GPHN: variants seen among roughly 807,000 people sequenced by gnomAD.
GPHN encodes gephyrin.
Under a neutral mutation model 95.5 loss-of-function variants are expected in GPHN, and 17 were observed. The observed-to-expected ratio is 0.18, with a 90% CI of 0.12 to 0.27. GPHN has a LOEUF of 0.27. GPHN is among the 10% of genes least tolerant of loss of function. GPHN has a pLI of 1.00. For missense variants in GPHN, 660 were observed against 978.1 expected (o/e 0.67, Z 4.34); for synonymous variants, 320 against 322.5 (o/e 0.99, Z 0.08).
At chr14:66,648,215 GA>G (rs2153362017) in intron 1 of GPHN, among the ~76,000 whole-genome samples, 2 of 152,050 alleles carry the variant, frequency 1.3e-5, no homozygotes, top group East Asian at 3.9e-4. Flanking sequence ...ACGTATTCAG[GA>G]AAAAATTTTA....
chr14:67,137,211 T>G (rs2080137713), intron 17 of GPHN, among the ~76,000 whole-genome samples: 1 of 151,068 alleles, frequency 6.6e-6, no homozygotes, highest in Admixed American at 6.6e-5. Context: ...AGTGGCACGA[T>G]CTCTGCTCAC....
intron 3 of GPHN, among the ~76,000 whole-genome samples, chr14:66,810,413 A>T (rs2060711555): frequency 1.3e-5 from 2 of 151,748 alleles, no homozygotes; most frequent in African/African-American, 4.8e-5. Flanking sequence ...TAATTACATA[A>T]TATATATTAT....
chr14:66,512,799 G>A (rs941242103), intron 1 of GPHN, among the ~76,000 whole-genome samples: 16 of 151,620 alleles, frequency 1.1e-4, no homozygotes, highest in Non-Finnish European at 2.2e-4. Context: ...AATTGTTTAA[G>A]CATTTACTTT....
chr14:67,179,463 A>T (rs1464056030), intron 21 of GPHN, 115 bp from the exon 22 acceptor site: 1 of 716,276 alleles, frequency 1.4e-6, no homozygotes, highest in Non-Finnish European at 2.6e-6. Flanking sequence ...GCAACGACAG[A>T]ATACCAAGGT....
intron 1 of GPHN, among the ~76,000 whole-genome samples, chr14:66,564,407 A>AG (rs1209296076): frequency 1.3e-5 from 2 of 152,118 alleles, no homozygotes; most frequent in African/African-American, 4.8e-5. Flanking sequence ...TTATACAAAA[A>AG]CTCAATATAT....
intron 1 of GPHN, among the ~76,000 whole-genome samples, chr14:66,635,849 T>G (rs966930204): frequency 1.3e-5 from 2 of 151,910 alleles, no homozygotes; most frequent in African/African-American, 4.8e-5. Flanking sequence ...TAAGAAAAAG[T>G]GATTTTAGGC....
intron 3 of GPHN, among the ~76,000 whole-genome samples, chr14:66,803,823 CT>C (rs766698909): frequency 5.3e-5 from 8 of 152,120 alleles, no homozygotes; most frequent in Non-Finnish European, 1.0e-4. Context: ...TTATTTACCC[CT>C]GATGAACTTT....
intron 5 of GPHN, among the ~76,000 whole-genome samples, chr14:66,891,413 C>T (rs905280698): frequency 7.2e-5 from 11 of 151,996 alleles, no homozygotes; most frequent in African/African-American, 2.2e-4. Flanking sequence ...GTCTTTTCAA[C>T]GAATGGTGTT....
rs533493718 is a variant in GPHN at position 67,097,843 on chromosome 14, T to C, written c.1238-3013T>C. On this transcript the variant is annotated intron_variant, in intron 12 of 22. Transcript: ENST00000478722. ...GGGAAGAAATACATTAAATATATTA[T>C]ACATCAAAAGCCAATGATATACACA... 1.3e-3 allele frequency among the ~76,000 whole-genome samples: 199 copies of C among 151,768 alleles called. 1 individual carries two copies. The highest frequency in any genetic ancestry group is 1.0e-3 in the Non-Finnish European group (70 of 67,770).
intron 8 of GPHN, among the ~76,000 whole-genome samples, chr14:66,951,573 A>G (rs1156955302): frequency 6.6e-6 from 1 of 152,022 alleles, no homozygotes; most frequent in East Asian, 1.9e-4. Flanking sequence ...TAAAATTTAT[A>G]TAGATAGAAT....
At chr14:66,745,764 T>A (rs2058120391) in intron 2 of GPHN, among the ~76,000 whole-genome samples, 1 of 152,034 alleles carries the variant, frequency 6.6e-6, no homozygotes, top group Non-Finnish European at 1.5e-5. Flanking sequence ...TAATGAGTGT[T>A]CATGATGCCC....
chr14:66,904,619 G>T (rs569218413), intron 5 of GPHN, among the ~76,000 whole-genome samples: 62 of 152,200 alleles, frequency 4.1e-4, no homozygotes, highest in African/African-American at 1.2e-3. Flanking sequence ...ACCTCTCAAT[G>T]CCCCCTTTAG....
the GPHN span, among the ~76,000 whole-genome samples, chr14:67,276,112 T>C: frequency 1.3e-5 from 2 of 152,192 alleles, no homozygotes; most frequent in African/African-American, 4.8e-5. Flanking sequence ...TGTGTCTCTA[T>C]CCAATAGGAG....
At chr14:66,841,000 TA>T (rs2062057394) in intron 4 of GPHN, among the ~76,000 whole-genome samples, 1 of 139,100 alleles carries the variant, frequency 7.2e-6, no homozygotes, top group South Asian at 2.3e-4. Flanking sequence ...TAGATATAGA[TA>T]TAGATATAGA....
chr14:66,579,108 G>A (rs1198419592), intron 1 of GPHN, among the ~76,000 whole-genome samples: 1 of 151,734 alleles, frequency 6.6e-6, no homozygotes, highest in Admixed American at 6.6e-5. Context: ...ATTCTTGTGT[G>A]TTATTGAAGT....
chr14:67,436,058 A>G, the GPHN span, among the ~76,000 whole-genome samples: 1 of 152,254 alleles, frequency 6.6e-6, no homozygotes, highest in African/African-American at 2.4e-5. Context: ...CTTAGGGCTG[A>G]TTCCCGAGGC....
At chr14:66,537,143 A>G (rs2059173744) in intron 1 of GPHN, among the ~76,000 whole-genome samples, 1 of 151,924 alleles carries the variant, frequency 6.6e-6, no homozygotes, top group African/African-American at 2.4e-5. Flanking sequence ...TTTACAGTAT[A>G]TCTCTTGGAA....
At chr14:67,667,295 G>C in the GPHN span, among the ~76,000 whole-genome samples, 2 of 152,122 alleles carry the variant, frequency 1.3e-5, no homozygotes, top group African/African-American at 4.8e-5. Context: ...AACAACTTCA[G>C]TTTCACCAGC....
the GPHN span, among the ~76,000 whole-genome samples, chr14:67,474,265 C>CAAAACA: frequency 6.9e-6 from 1 of 144,760 alleles, no homozygotes; most frequent in African/African-American, 2.6e-5. Flanking sequence ...AAAAACAAAA[C>CAAAACA]AAAAAAAAAA....
Sources: allele counts gnomAD v4.1 joint callset (sites outside exome capture counted in the v4.1 genomes callset), GRCh38; gene constraint gnomAD v4.1.1; transcripts MANE v1.5; gene names NCBI Gene and HGNC (gene_info 2026-07-23, HGNC 2026-07-21).